YWHAZ: variants seen among roughly 807,000 people sequenced by gnomAD.
YWHAZ encodes tyrosine 3-monooxygenase/tryptophan 5-monooxygenase activation protein zeta.
For missense variants in YWHAZ, 79 were observed against 284.8 expected, an observed-to-expected ratio of 0.28 and a Z score of 5.20; for synonymous variants, 87 against 103.6, an observed-to-expected ratio of 0.84 and a Z score of 0.97.
chr8:100,939,380 C>T (rs536911915), intron 2 of YWHAZ, among the ~76,000 whole-genome samples: 15 of 152,170 alleles, frequency 9.9e-5, no homozygotes, highest in Non-Finnish European at 2.1e-4. Context: ...ACATCTAACG[C>T]TGGGCACGGT....
rs959617920 is a variant in YWHAZ at position 100,948,108 on chromosome 8, T to C, written c.294+488A>G. On this transcript the variant is annotated intron_variant, in intron 2 of 5. Transcript: ENST00000395958. The surrounding 1 kb of genome is among the most constrained non-coding windows in gnomAD (Gnocchi z 4.2). ...GAATTCAATGCAGGAAGAGGTTTCATAGTTGTGACGCCAGAGTTTTCTGCA... is the reference window on the plus strand; with the variant it reads ...GAATTCAATGCAGGAAGAGGTTTCACAGTTGTGACGCCAGAGTTTTCTGCA... 5 of 1,534,962 alleles carry C rather than the reference T, an allele frequency of 3.3e-6. No homozygotes were observed. Among genetic ancestry groups the C allele is most frequent in the Non-Finnish European group, 4.4e-6 (5 of 1,146,738 alleles).
At chr8:100,941,752 T>G (rs574258206) in intron 2 of YWHAZ, among the ~76,000 whole-genome samples, 1 of 149,798 alleles carries the variant, frequency 6.7e-6, no homozygotes, top group East Asian at 2.0e-4. Flanking sequence ...GCCACTGCAC[T>G]CCAGCCTGGA....
rs949224425 is a variant in YWHAZ, at chr8:100,926,965, TG to T, written c.295-1927del. On this transcript the variant is annotated intron_variant, in intron 2 of 5. Coordinates refer to ENST00000395958, the MANE Select transcript of YWHAZ (RefSeq NM_145690.3). Reference sequence around the variant, plus strand: ...GAGATGGTATAAACATAAGTGGCTTTGGGGTGAGTCTGGTTTTGAATTACAG... The same window carrying T: ...GAGATGGTATAAACATAAGTGGCTTTGGGTGAGTCTGGTTTTGAATTACAG... Among the ~76,000 whole-genome samples the T allele has an allele frequency of 5.3e-5, 8 of 152,344 alleles. No homozygotes were observed. In the South Asian group the frequency reaches 1.2e-3, roughly 24 times the overall value.
intron 2 of YWHAZ, among the ~76,000 whole-genome samples, chr8:100,929,133 T>A (rs966252821): frequency 5.3e-5 from 8 of 152,206 alleles, no homozygotes; most frequent in Non-Finnish European, 1.0e-4. Flanking sequence ...GCATGTGATA[T>A]TGATACATGC....
intron 2 of YWHAZ, among the ~76,000 whole-genome samples, chr8:100,944,117 A>AT (rs2130321394): frequency 6.6e-6 from 1 of 152,320 alleles, no homozygotes; most frequent in East Asian, 1.9e-4. Flanking sequence ...AATATACAGT[A>AT]TATCTTAATA....
intron 2 of YWHAZ, among the ~76,000 whole-genome samples, chr8:100,932,695 C>T (rs1194823921): frequency 6.6e-6 from 1 of 152,096 alleles, no homozygotes; most frequent in Non-Finnish European, 1.5e-5. Flanking sequence ...GCCTGCAGTT[C>T]TTTGAAGAAA....
At chr8:100,946,889 AAAAAAAAAC>A (rs1166494492) in intron 2 of YWHAZ, among the ~76,000 whole-genome samples, 5 of 151,568 alleles carry the variant, frequency 3.3e-5, no homozygotes, top group East Asian at 1.9e-4. Context: ...GGTGAGCAAA[AAAAAAAAAC>A]AAAAAAAACA....
At chr8:100,928,339 TA>T (rs1181572952) in intron 2 of YWHAZ, among the ~76,000 whole-genome samples, 6 of 151,892 alleles carry the variant, frequency 4.0e-5, no homozygotes, top group Admixed American at 6.6e-5. Flanking sequence ...TCCAATGACA[TA>T]AGCTAATTAA....
At chr8:100,951,754 C>A (rs1162426871) in intron 1 of YWHAZ, 175 bp downstream of exon 1, 2 of 985,160 alleles carry the variant, frequency 2.0e-6, no homozygotes, top group Non-Finnish European at 2.4e-6. Flanking sequence ...GCCGCCCTCC[C>A]GAGCCCAGCG....
At position 100,922,282 on chromosome 8, in the gene YWHAZ, A is replaced by G. The variant is rs1357462564; in HGVS notation, c.679-1530T>C. Reference sequence around the variant, plus strand: ...TTGGGATAATTTCTTTTCTTGACAGATAAATGTTCCAATCAACCTATAATG... The same window carrying G: ...TTGGGATAATTTCTTTTCTTGACAGGTAAATGTTCCAATCAACCTATAATG... On this transcript the variant is annotated intron_variant, in intron 5 of 5. Coordinates refer to ENST00000395958, the MANE Select transcript of YWHAZ (RefSeq NM_145690.3). The surrounding 1 kb of genome is among the most constrained non-coding windows in gnomAD (Gnocchi z 4.1). 1.3e-5 allele frequency among the ~76,000 whole-genome samples: 2 copies of G among 152,232 alleles called. No individual in the cohort carries two copies. The highest frequency in any genetic ancestry group is 2.9e-5 in the Non-Finnish European group (2 of 68,040).
At chr8:100,943,539 T>G (rs922479008) in intron 2 of YWHAZ, among the ~76,000 whole-genome samples, 3 of 152,190 alleles carry the variant, frequency 2.0e-5, no homozygotes, top group Non-Finnish European at 4.4e-5. Flanking sequence ...CTAGTTTCCC[T>G]TCCCATCAAA....
At chr8:100,923,587 A>G (rs1813172373) in intron 5 of YWHAZ, 1 of 161,634 alleles carries the variant, frequency 6.2e-6, no homozygotes, top group Non-Finnish European at 1.3e-5. Flanking sequence ...GATACCTGAG[A>G]TTTTGTAACT....
chr8:100,950,120 C>T (rs1364443334), intron 1 of YWHAZ, among the ~76,000 whole-genome samples: 2 of 152,164 alleles, frequency 1.3e-5, no homozygotes, highest in Non-Finnish European at 2.9e-5. Flanking sequence ...AAATAATTAA[C>T]CACTTTGGAT....
chr8:100,950,297 T>C, intron 1 of YWHAZ: 1 of 854,866 alleles, frequency 1.2e-6, no homozygotes, highest in Non-Finnish European at 1.4e-6. Flanking sequence ...CTCTCCCCAA[T>C]CACTTCGGTA....
chr8:100,935,622 A>G (rs1814092100), intron 2 of YWHAZ, among the ~76,000 whole-genome samples: 1 of 152,228 alleles, frequency 6.6e-6, no homozygotes, highest in Non-Finnish European at 1.5e-5. Context: ...CCTAATATGG[A>G]TAAGCTCCAG....
chr8:100,948,585 T>A lies in YWHAZ; in HGVS notation c.294+11A>T, dbSNP rs770879611. The A allele has an allele frequency of 2.1e-5, 34 of 1,609,206 alleles. No individual in the cohort carries two copies. Among genetic ancestry groups the A allele is most frequent in the Non-Finnish European group, 2.7e-5 (32 of 1,178,418 alleles). On this transcript the variant is annotated intron_variant, in intron 2 of 5. Transcript: ENST00000395958. This position sits in a 1 kb window ranked among gnomAD's most constrained non-coding sequence, Gnocchi z 4.2. The stretch of plus-strand genomic sequence containing the variant: ...TACAGTATAATGAAGCCAGACTGAA[T>A]TGATTCTCACCAGTACATCATTGCA...
At chr8:100,934,083 CT>C (rs1361695836) in intron 2 of YWHAZ, among the ~76,000 whole-genome samples, 2 of 136,884 alleles carry the variant, frequency 1.5e-5, no homozygotes, top group Non-Finnish European at 3.0e-5. Context: ...CACTTGAACC[CT>C]GGAGGCGGAG....
intron 2 of YWHAZ, among the ~76,000 whole-genome samples, chr8:100,940,056 C>G (rs1814519423): frequency 8.7e-6 from 1 of 114,952 alleles, no homozygotes; most frequent in South Asian, 3.5e-4. Context: ...GAGCGAGACT[C>G]CGTCTCAAAA....
Position 100,918,344 on chromosome 8 carries a change from C to CAAAAAAAA in YWHAZ, c.*2341_*2348dup, listed in dbSNP as rs557779840. On this transcript the variant is annotated 3_prime_UTR_variant, in exon 6 of 6. Transcript: ENST00000395958. ...GGTGACAGAGCAAGACTCTTGTCTC[C>CAAAAAAAA]AAAAAAAAAAAAAACAACAAAAAAA... 1 of 39,166 alleles carries CAAAAAAAA rather than the reference C, an allele frequency of 2.6e-5. No individual in the cohort carries two copies. Among genetic ancestry groups the CAAAAAAAA allele is most frequent in the South Asian group, 9.0e-4 (1 of 1,112 alleles). The allele number at this position is 39,166 out of a possible 1,614,324, so 2.4% of individuals were successfully genotyped here.
Sources: gnomAD v4.1 joint callset for allele counts (sites outside exome capture counted in the v4.1 genomes callset) on GRCh38, gnomAD v4.1.1 for gene constraint, Gnocchi (gnomAD v3.1) non-coding constraint, MANE v1.5 for transcripts, NCBI Gene and HGNC (gene_info 2026-07-23, HGNC 2026-07-21) for gene names.